PAK1: variants seen among roughly 807,000 people sequenced by gnomAD.
PAK1 encodes p21 (RAC1) activated kinase 1, also known as serine/threonine-protein kinase PAK 1.
PAK1 carries 29 observed loss-of-function variants against 67.4 expected under a neutral mutation model. The ratio of observed to expected loss-of-function variants is 0.43; its 90% CI spans 0.32 to 0.59. PAK1 has a LOEUF of 0.59. Among genes scored for constraint, PAK1 ranks in the 20% least tolerant of loss-of-function variants. The pLI, the probability that PAK1 is intolerant of heterozygous loss-of-function variation, is 0.07. For synonymous variants in PAK1, 223 were observed against 237.4 expected (o/e 0.94, Z 0.56); for missense variants, 337 against 670.7 (o/e 0.50, Z 5.50).
the PAK1 span, among the ~76,000 whole-genome samples, chr11:77,487,680 G>A: frequency 1.3e-5 from 2 of 152,006 alleles, no homozygotes; most frequent in African/African-American, 4.8e-5. Context: ...CTGGGGCATG[G>A]TGGCCACAGG....
At chr11:77,411,780 G>A (rs545615777) in intron 1 of PAK1, 1 of 152,432 alleles carries the variant, frequency 6.6e-6, no homozygotes, top group South Asian at 2.1e-4. Context: ...TTACCTGGTG[G>A]GGAAGGCTAG....
chr11:77,371,027 T>C (rs1346246481), intron 5 of PAK1, among the ~76,000 whole-genome samples: 1 of 152,208 alleles, frequency 6.6e-6, no homozygotes, highest in Non-Finnish European at 1.5e-5. Flanking sequence ...ATATTATAAA[T>C]CCTTGTTTAC....
At chr11:77,493,279 T>TTG in the PAK1 span, among the ~76,000 whole-genome samples, 3 of 147,708 alleles carry the variant, frequency 2.0e-5, no homozygotes, top group Non-Finnish European at 4.5e-5. Flanking sequence ...TTTGTTGTTT[T>TTG]TTTTTTTTTT....
At chr11:77,439,308 A>C (rs1194385078) in intron 1 of PAK1, among the ~76,000 whole-genome samples, 2 of 152,188 alleles carry the variant, frequency 1.3e-5, no homozygotes, top group Non-Finnish European at 2.9e-5. Flanking sequence ...CAAAATATCT[A>C]ACCAAGAAAA....
At chr11:77,513,966 T>C in the PAK1 span, among the ~76,000 whole-genome samples, 3 of 152,134 alleles carry the variant, frequency 2.0e-5, no homozygotes, top group African/African-American at 7.2e-5. Context: ...CTTATTCCAT[T>C]TATATGAAAT....
intron 7 of PAK1, among the ~76,000 whole-genome samples, chr11:77,354,029 G>T (rs1945657621): frequency 6.6e-6 from 1 of 151,716 alleles, no homozygotes; most frequent in South Asian, 2.1e-4. Flanking sequence ...AAGCCAAAGG[G>T]GTACAGAAAG....
At chr11:77,520,628 A>C in the PAK1 span, among the ~76,000 whole-genome samples, 1 of 152,174 alleles carries the variant, frequency 6.6e-6, no homozygotes, top group Non-Finnish European at 1.5e-5. Context: ...TGGAGGATGC[A>C]TCCGAGAGGA....
At chr11:77,445,757 T>C (rs1488923014) in intron 1 of PAK1, among the ~76,000 whole-genome samples, 1 of 152,208 alleles carries the variant, frequency 6.6e-6, no homozygotes, top group African/African-American at 2.4e-5. Context: ...ATGGACTGTT[T>C]GGGGCCAAGA....
At chr11:77,328,367 T>C (rs558804434) in intron 14 of PAK1, among the ~76,000 whole-genome samples, 44 of 152,186 alleles carry the variant, frequency 2.9e-4, no homozygotes, top group Middle Eastern at 3.4e-3. Context: ...TACTCCAAAA[T>C]TGACCACATA....
At chr11:77,408,842 T>G (rs1333389353) in intron 1 of PAK1, among the ~76,000 whole-genome samples, 1 of 152,188 alleles carries the variant, frequency 6.6e-6, no homozygotes, top group Admixed American at 6.5e-5. Context: ...CGGACATTTT[T>G]CGTAACAAGA....
intron 5 of PAK1, among the ~76,000 whole-genome samples, chr11:77,364,427 AAAC>A (rs989639646): frequency 7.2e-5 from 11 of 152,186 alleles, no homozygotes; most frequent in Middle Eastern, 3.2e-3. Context: ...CAACAAAACA[AAAC>A]AACAACAACA....
At chr11:77,370,225 C>T (rs1350865973) in intron 5 of PAK1, among the ~76,000 whole-genome samples, 1 of 152,138 alleles carries the variant, frequency 6.6e-6, no homozygotes, top group Non-Finnish European at 1.5e-5. Context: ...GGATGGAAAA[C>T]TTTAATGTAT....
At chr11:77,428,819 T>C (rs1049065891) in intron 1 of PAK1, among the ~76,000 whole-genome samples, 7 of 151,316 alleles carry the variant, frequency 4.6e-5, no homozygotes, top group Non-Finnish European at 8.8e-5. Flanking sequence ...CCTGGTGTAG[T>C]GTGTCAGAAG....
intron 5 of PAK1, among the ~76,000 whole-genome samples, chr11:77,359,465 T>C (rs1946485419): frequency 6.6e-6 from 1 of 152,190 alleles, no homozygotes; most frequent in East Asian, 1.9e-4. Context: ...ATATGGTAAA[T>C]GGCAGTCTAA....
Position 77,471,988 on chromosome 11 carries a change from T to C in PAK1, c.-22+1564A>G, listed in dbSNP as rs78642853. The stretch of plus-strand genomic sequence containing the variant: ...GCCTCAATTATTGCACACTACTACC[T>C]GTACAACTGGAGTCCCCCAGAGATT... On this transcript the variant is annotated intron_variant, in intron 1 of 14. Coordinates refer to ENST00000356341, the MANE Select transcript of PAK1 (RefSeq NM_002576.5). 3.2e-4 allele frequency among the ~76,000 whole-genome samples: 49 copies of C among 152,326 alleles called. 1 individual carries two copies. In the East Asian group the frequency reaches 9.5e-3, roughly 29 times the overall value.
At chr11:77,368,881 GAGTATTCTTAATC>G (rs1381051082) in intron 5 of PAK1, among the ~76,000 whole-genome samples, 1 of 152,118 alleles carries the variant, frequency 6.6e-6, no homozygotes, top group Non-Finnish European at 1.5e-5. Context: ...ACTTTTAAGT[GAGTATTCTTAATC>G]ACCATTAACC....
chr11:77,513,358 G>A, the PAK1 span, among the ~76,000 whole-genome samples: 1 of 151,968 alleles, frequency 6.6e-6, no homozygotes, highest in Admixed American at 6.6e-5. Context: ...AGTAAATAAT[G>A]GAATATGAAT....
chr11:77,358,777 C>T (rs904123866), intron 6 of PAK1, 121 bp downstream of exon 6: 1 of 933,292 alleles, frequency 1.1e-6, no homozygotes, highest in African/African-American at 1.6e-5. Context: ...AGTGATTTCA[C>T]CAGCTCCAAA....
At chr11:77,348,788 T>C (rs1944802751) in intron 9 of PAK1, among the ~76,000 whole-genome samples, 1 of 152,186 alleles carries the variant, frequency 6.6e-6, no homozygotes. Flanking sequence ...AGTTTCATAA[T>C]GTTATCCTGC....
Sources: allele counts gnomAD v4.1 joint callset (sites outside exome capture counted in the v4.1 genomes callset), GRCh38; gene constraint gnomAD v4.1.1; transcripts MANE v1.5; gene names NCBI Gene and HGNC (gene_info 2026-07-23, HGNC 2026-07-21).